The following CNTNAP2 variants were observed in gnomAD, a reference collection of about 807,000 sequenced individuals.
The protein encoded by CNTNAP2 is contactin associated protein 2.
A neutral mutation model predicts 155.2 loss-of-function variants in CNTNAP2; 98 were observed. The observed-to-expected ratio is 0.63, with a 90% CI of 0.54 to 0.75. CNTNAP2 has a LOEUF of 0.75. Among genes scored for constraint, CNTNAP2 ranks in the 30% least tolerant of loss-of-function variants. The pLI is 0.00. For missense variants in CNTNAP2, 1,727 were observed against 1,688.1 expected (o/e 1.02, Z -0.40); for synonymous variants, 651 against 631.2 (o/e 1.03, Z -0.47).
intron 13 of CNTNAP2, among the ~76,000 whole-genome samples, chr7:147,858,254 C>G (rs565905797): frequency 6.6e-6 from 1 of 152,042 alleles, no homozygotes; most frequent in Non-Finnish European, 1.5e-5. Context: ...GCCCAGCTAA[C>G]TTTTGTATTC....
At chr7:146,427,672 C>T (rs1796112298) in intron 1 of CNTNAP2, among the ~76,000 whole-genome samples, 1 of 152,182 alleles carries the variant, frequency 6.6e-6, no homozygotes, top group African/African-American at 2.4e-5. Flanking sequence ...CCTATAGTTA[C>T]ATACGTTATT....
At chr7:147,680,376 T>C (rs958738442) in intron 13 of CNTNAP2, among the ~76,000 whole-genome samples, 2 of 151,958 alleles carry the variant, frequency 1.3e-5, no homozygotes, top group African/African-American at 4.8e-5. Context: ...CTGTTTTTCT[T>C]GGAGGTGGTA....
At chr7:146,828,503 A>G (rs1257766364) in intron 2 of CNTNAP2, among the ~76,000 whole-genome samples, 1 of 152,086 alleles carries the variant, frequency 6.6e-6, no homozygotes, top group African/African-American at 2.4e-5. Context: ...TGAAGAGCTC[A>G]TTACTTTTAT....
chr7:146,712,283 T>TGTATACATATCTTATGTATACTACATA, intron 1 of CNTNAP2, among the ~76,000 whole-genome samples: 2 of 19,258 alleles, frequency 1.0e-4, no homozygotes, highest in East Asian at 9.6e-3. Context: ...TATACATATA[T>TGTATACATATCTTATGTATACTACATA]GTATACATAT....
rs1395709084 is a variant in CNTNAP2 at position 146,712,121 on chromosome 7, TGTATACATATCTTATGTATACTATATA to T, written c.98-62128_98-62102del. Among the ~76,000 whole-genome samples, 63 of 120,180 alleles carry T rather than the reference TGTATACATATCTTATGTATACTATATA, an allele frequency of 5.2e-4. 1 individual carries two copies. Among genetic ancestry groups the T allele is most frequent in the African/African-American group, 1.6e-3 (46 of 29,022 alleles). 78.8% of individuals were successfully genotyped at this position (120,180 alleles called of 152,430 possible). On this transcript the variant is annotated intron_variant, in intron 1 of 23. Transcript: ENST00000361727. ...TATACATATCTTATGTATACATATA[TGTATACATATCTTATGTATACTATATA>T]GTATACATATCTTATGTATACAAAT...
intron 8 of CNTNAP2, among the ~76,000 whole-genome samples, chr7:147,294,771 G>A (rs566639306): frequency 4.6e-5 from 7 of 151,976 alleles, no homozygotes; most frequent in African/African-American, 1.4e-4. Flanking sequence ...CAATTCTCCT[G>A]CCTCAGCCTC....
At chr7:147,779,626 G>A (rs1465375973) in intron 13 of CNTNAP2, among the ~76,000 whole-genome samples, 1 of 152,098 alleles carries the variant, frequency 6.6e-6, no homozygotes, top group Admixed American at 6.5e-5. Flanking sequence ...TTAAATGACT[G>A]AATCAGGACT....
chr7:146,221,441 A>G (rs1799207566), intron 1 of CNTNAP2, among the ~76,000 whole-genome samples: 2 of 152,322 alleles, frequency 1.3e-5, no homozygotes, highest in Middle Eastern at 6.8e-3. Flanking sequence ...CTGAATTTAT[A>G]CAGAAGGATA....
chr7:148,205,342 T>C (rs1024824131), intron 18 of CNTNAP2, among the ~76,000 whole-genome samples: 1 of 152,354 alleles, frequency 6.6e-6, no homozygotes, highest in Non-Finnish European at 1.5e-5. Context: ...AAAGAAACAA[T>C]ATAATTTCTA....
At chr7:148,365,549 C>A (rs1798721739) in intron 21 of CNTNAP2, among the ~76,000 whole-genome samples, 1 of 151,938 alleles carries the variant, frequency 6.6e-6, no homozygotes, top group African/African-American at 2.4e-5. Context: ...CCTGTAATCC[C>A]AGCTACTTAG....
chr7:147,203,819 G>C (rs1802967823), intron 8 of CNTNAP2, among the ~76,000 whole-genome samples: 1 of 152,106 alleles, frequency 6.6e-6, no homozygotes, highest in Admixed American at 6.5e-5. Context: ...TGTATCAAGA[G>C]TTTCCCTGAT....
intron 21 of CNTNAP2, among the ~76,000 whole-genome samples, chr7:148,347,847 GGCATTAAATCTTTACAGCTGGAGTT>G (rs1481126908): frequency 2.6e-5 from 4 of 152,196 alleles, no homozygotes; most frequent in Non-Finnish European, 4.4e-5. Context: ...GAACAAGCCA[GGCATTAAATCTTTACAGCTGGAGTT>G]GCATTAAATC....
At chr7:148,208,709 A>G (rs1045077286) in intron 18 of CNTNAP2, among the ~76,000 whole-genome samples, 10 of 152,208 alleles carry the variant, frequency 6.6e-5, no homozygotes, top group African/African-American at 2.4e-4. Context: ...ATGATTAGGA[A>G]GTGAAAATGA....
Position 148,401,324 on chromosome 7 carries a change from T to C in CNTNAP2, c.3716-8067T>C, listed in dbSNP as rs58299471. Among the ~76,000 whole-genome samples the C allele has an allele frequency of 5.2e-3, 789 of 152,306 alleles. 6 individuals are homozygous for C. The highest frequency in any genetic ancestry group is 0.017 in the African/African-American group (703 of 41,572). On this transcript the variant is annotated intron_variant, in intron 22 of 23. Transcript: ENST00000361727. ...CCTAATTATCATCCATTCTGCATTT[T>C]TGCCTCCTTAACTGTAGAGAGGTTG...
rs115222606 is a variant in CNTNAP2 at position 146,556,412 on chromosome 7, C to T, written c.98-217859C>T. On this transcript the variant is annotated intron_variant, in intron 1 of 23. Transcript: ENST00000361727. ...ATAAAATGGGGAAAATAATATTTACCTCACAGTTCTGATAGGAGGGGTAAT... is the reference window on the plus strand; with the variant it reads ...ATAAAATGGGGAAAATAATATTTACTTCACAGTTCTGATAGGAGGGGTAAT... Among the ~76,000 whole-genome samples the T allele has an allele frequency of 2.6e-3, 394 of 152,208 alleles. 2 individuals carry two copies. The highest frequency in any genetic ancestry group is 9.2e-3 in the African/African-American group (381 of 41,510).
At chr7:147,334,868 C>T (rs1795639236) in intron 9 of CNTNAP2, among the ~76,000 whole-genome samples, 1 of 152,210 alleles carries the variant, frequency 6.6e-6, no homozygotes, top group African/African-American at 2.4e-5. Context: ...ATTCTCATTA[C>T]ATATGTCTAC....
intron 19 of CNTNAP2, 125 bp from the exon 20 acceptor site, chr7:148,229,520 CA>C (rs1337505789): frequency 1.8e-4 from 234 of 1,298,202 alleles, no homozygotes; most frequent in Middle Eastern, 2.2e-4. Flanking sequence ...AAGACTCCGT[CA>C]AAAAAAAGAA....
intron 1 of CNTNAP2, among the ~76,000 whole-genome samples, chr7:146,270,137 G>A (rs973939807): frequency 1.3e-5 from 2 of 152,064 alleles, no homozygotes; most frequent in African/African-American, 2.4e-5. Flanking sequence ...ACATTTTCAC[G>A]ATGGTTATTT....
intron 1 of CNTNAP2, among the ~76,000 whole-genome samples, chr7:146,573,346 T>C (rs1180836696): frequency 6.6e-6 from 1 of 152,104 alleles, no homozygotes; most frequent in East Asian, 1.9e-4. Context: ...TTTCACCACG[T>C]TGGCCAGGAT....
Sources: allele counts gnomAD v4.1 joint callset (sites outside exome capture counted in the v4.1 genomes callset), GRCh38; gene constraint gnomAD v4.1.1; transcripts MANE v1.5; gene names NCBI Gene and HGNC (gene_info 2026-07-23, HGNC 2026-07-21).